The following EPB41L4B variants were observed in gnomAD, a reference collection of about 807,000 sequenced individuals.
EPB41L4B encodes the protein band 4.1-like protein 4B.
Under a neutral mutation model 112.5 loss-of-function variants are expected in EPB41L4B, and 30 were observed. That is an observed-to-expected ratio of 0.27 (90% CI 0.20 to 0.36). The LOEUF is 0.36. Among genes scored for constraint, EPB41L4B ranks in the 10% least tolerant of loss-of-function variants. The pLI is 1.00. For synonymous variants in EPB41L4B, 408 were observed against 439.7 expected (o/e 0.93, Z 0.90); for missense variants, 1,024 against 1,133.3 (o/e 0.90, Z 1.38).
intron 2 of EPB41L4B, among the ~76,000 whole-genome samples, chr9:109,270,992 T>A (rs1306741654): frequency 6.6e-6 from 1 of 152,246 alleles, no homozygotes; most frequent in Non-Finnish European, 1.5e-5. Context: ...CATCCTCTCC[T>A]ACCCAGGAAG....
chr9:109,191,792 C>A (rs760012684), intron 22 of EPB41L4B, among the ~76,000 whole-genome samples: 1 of 152,160 alleles, frequency 6.6e-6, no homozygotes, highest in Non-Finnish European at 1.5e-5. Flanking sequence ...TTCTCACCTG[C>A]AGGAGTCCCA....
intron 1 of EPB41L4B, among the ~76,000 whole-genome samples, chr9:109,284,520 C>T (rs1379466630): frequency 6.6e-6 from 1 of 152,132 alleles, no homozygotes; most frequent in Non-Finnish European, 1.5e-5. Flanking sequence ...TCAAAGGATC[C>T]CCCTGCCTCA....
intron 20 of EPB41L4B, 42 bp from the exon 21 acceptor site, chr9:109,194,439 A>G (rs1312338499): frequency 2.5e-6 from 4 of 1,598,216 alleles, no homozygotes; most frequent in Non-Finnish European, 3.4e-6. Flanking sequence ...TCATTACAAT[A>G]ATAAACAGGC....
chr9:109,239,880 C>A, intron 15 of EPB41L4B: 1 of 985,474 alleles, frequency 1.0e-6, no homozygotes, highest in Non-Finnish European at 1.2e-6. Flanking sequence ...CTGAGGAAAT[C>A]CCACTGCCAC....
chr9:109,192,223 C>T (rs1832484445), intron 22 of EPB41L4B, 55 bp downstream of exon 22: 2 of 1,432,308 alleles, frequency 1.4e-6, no homozygotes, highest in Admixed American at 3.8e-5. Flanking sequence ...GTCCCACTGC[C>T]AAGATGTTTC....
chr9:109,258,967 G>C (rs1410012720), intron 6 of EPB41L4B, among the ~76,000 whole-genome samples: 1 of 152,180 alleles, frequency 6.6e-6, no homozygotes, highest in Non-Finnish European at 1.5e-5. Flanking sequence ...TCCCCCACAG[G>C]ATGGAGGGCC....
intron 14 of EPB41L4B, among the ~76,000 whole-genome samples, chr9:109,247,541 C>G (rs1420459951): frequency 6.6e-6 from 1 of 152,112 alleles, no homozygotes; most frequent in Admixed American, 6.5e-5. Context: ...ACAGGCAGTT[C>G]AGATGGCCAA....
chr9:109,295,055 TCCA>T (rs1189334031), intron 1 of EPB41L4B, among the ~76,000 whole-genome samples: 3 of 152,030 alleles, frequency 2.0e-5, no homozygotes, highest in Non-Finnish European at 4.4e-5. Context: ...ATTAATCTCT[TCCA>T]CACTGTGAAA....
chr9:109,222,029 A>ATT (rs1460342076), intron 15 of EPB41L4B, among the ~76,000 whole-genome samples: 1 of 152,184 alleles, frequency 6.6e-6, no homozygotes, highest in Non-Finnish European at 1.5e-5. Context: ...GGTATCATGC[A>ATT]TTTGTCTTTC....
At chr9:109,244,222 T>C (rs1260868968) in intron 14 of EPB41L4B, among the ~76,000 whole-genome samples, 1 of 152,078 alleles carries the variant, frequency 6.6e-6, no homozygotes, top group East Asian at 1.9e-4. Flanking sequence ...AAAAATAATC[T>C]TCTAAAATGC....
At chr9:109,263,123 A>G (rs1399924013) in intron 5 of EPB41L4B, 21 bp from the exon 6 acceptor site, 2 of 1,524,722 alleles carry the variant, frequency 1.3e-6, no homozygotes, top group Non-Finnish European at 1.8e-6. Flanking sequence ...ATAAAATGAA[A>G]TTAATTCGAA....
At chr9:109,320,027 G>A in intron 1 of EPB41L4B, 114 bp downstream of exon 1, 1 of 827,358 alleles carries the variant, frequency 1.2e-6, no homozygotes, top group Non-Finnish European at 1.6e-6. Context: ...GAGGATGGGG[G>A]AGGGGATCCC....
At chr9:109,216,320 T>C (rs1445599309) in intron 16 of EPB41L4B, among the ~76,000 whole-genome samples, 1 of 152,012 alleles carries the variant, frequency 6.6e-6, no homozygotes, top group Non-Finnish European at 1.5e-5. Flanking sequence ...AGAGTGGAAC[T>C]CTCATGACTT....
intron 19 of EPB41L4B, among the ~76,000 whole-genome samples, chr9:109,203,233 GCA>G (rs555221334): frequency 9.2e-5 from 14 of 152,292 alleles, no homozygotes; most frequent in South Asian, 2.1e-4. Flanking sequence ...AGCAGGCAGG[GCA>G]CATCAATGGG....
chr9:109,174,640 G>C lies in EPB41L4B; in HGVS notation c.2634-17C>G, dbSNP rs919613803. ...GTCTCTGCACTAAAAAAAAGTATGT[G>C]ACAAAATAGTGAGACAATCCCTCAA... On this transcript the variant is annotated splice_polypyrimidine_tract_variant and intron_variant, in intron 25 of 25. Transcript: ENST00000374566. 1 of 1,610,870 alleles carries C rather than the reference G, an allele frequency of 6.2e-7. No homozygotes were observed. The highest frequency in any genetic ancestry group is 8.5e-7 in the Non-Finnish European group (1 of 1,177,390).
chr9:109,241,647 A>T (rs1834356699), intron 15 of EPB41L4B: 1 of 1,613,750 alleles, frequency 6.2e-7, no homozygotes, highest in Non-Finnish European at 8.5e-7. Flanking sequence ...AATGGAAGAG[A>T]GATGCTTCAG....
intron 15 of EPB41L4B, among the ~76,000 whole-genome samples, chr9:109,242,341 G>A (rs1834382086): frequency 6.6e-6 from 1 of 152,180 alleles, no homozygotes; most frequent in African/African-American, 2.4e-5. Context: ...CCAACAGCAG[G>A]CCCACCCCAG....
At chr9:109,279,552 C>T (rs752589403) in intron 2 of EPB41L4B, among the ~76,000 whole-genome samples, 1 of 152,196 alleles carries the variant, frequency 6.6e-6, no homozygotes, top group East Asian at 1.9e-4. Context: ...CTTCTTTCTA[C>T]CTTTTCTAGA....
intron 22 of EPB41L4B, among the ~76,000 whole-genome samples, chr9:109,185,816 C>G (rs1403595887): frequency 1.2e-4 from 15 of 120,854 alleles, no homozygotes; most frequent in African/African-American, 4.6e-4. Context: ...TCTCTCTCAG[C>G]CTTCTTTTCT....
Sources: gnomAD v4.1 joint callset for allele counts (sites outside exome capture counted in the v4.1 genomes callset) on GRCh38, gnomAD v4.1.1 for gene constraint, MANE v1.5 for transcripts, NCBI Gene and HGNC (gene_info 2026-07-23, HGNC 2026-07-21) for gene names.